Variants in RORA observed in about 807,000 individuals in gnomAD.
The protein encoded by RORA is nuclear receptor ROR-alpha.
RORA carries 7 observed loss-of-function variants against 69.5 expected under a neutral mutation model. The observed-to-expected ratio is 0.10, with a 90% confidence interval of 0.06 to 0.19. The LOEUF (loss-of-function observed/expected upper bound fraction) is 0.19, where lower values mean the gene tolerates loss of function less well. Among genes scored for constraint, RORA ranks in the 10% least tolerant of loss-of-function variants. The probability of loss-of-function intolerance (pLI) is 1.00; values close to 1 mark genes in which losing one functional copy is unlikely to be tolerated. For missense variants in RORA, 457 were observed against 663.0 expected, an observed-to-expected ratio of 0.69 and a Z score of 3.41; for synonymous variants, 261 against 240.8, an observed-to-expected ratio of 1.08 and a Z score of -0.78.
chr15:60,619,573 TA>T (rs1175927861), intron 2 of RORA, among the ~76,000 whole-genome samples: 6 of 152,340 alleles, frequency 3.9e-5, no homozygotes, highest in African/African-American at 1.4e-4. Flanking sequence ...AGTAATCCTG[TA>T]ACACTAAACA....
intron 1 of RORA, among the ~76,000 whole-genome samples, chr15:60,812,868 T>C (rs1391295627): frequency 6.6e-6 from 1 of 152,136 alleles, no homozygotes; most frequent in Non-Finnish European, 1.5e-5. Flanking sequence ...GTGAACATCA[T>C]CCAGAAGGGG....
chr15:60,889,842 T>C (rs958067606), intron 1 of RORA, among the ~76,000 whole-genome samples: 21 of 152,180 alleles, frequency 1.4e-4, no homozygotes, highest in African/African-American at 5.1e-4. Context: ...GAAACCAATA[T>C]ACACTACTAC....
intron 2 of RORA, among the ~76,000 whole-genome samples, chr15:60,576,700 C>T (rs8035386): frequency 0.021 from 3,167 of 152,302 alleles, 132 homozygotes; most frequent in African/African-American, 0.073. Flanking sequence ...GAACTCTTCC[C>T]CCTTGGAGAA....
At chr15:60,733,836 C>A (rs536211255) in intron 1 of RORA, among the ~76,000 whole-genome samples, 1 of 150,462 alleles carries the variant, frequency 6.6e-6, no homozygotes, top group Non-Finnish European at 1.5e-5. Flanking sequence ...ATCAGTTGTT[C>A]CCAGTGGATG....
In RORA at chr15:61,075,651, C is replaced by T. The variant is rs143986175; in HGVS notation, c.166+153402G>A. Among the ~76,000 whole-genome samples the T allele has an allele frequency of 5.9e-5, 9 of 152,282 alleles. No individual in the cohort carries two copies. The East Asian group carries it at 1.7e-3, about 29-fold the overall frequency. ...TATCTCAGTTTTTGAGATGAGAAAACTCAGGTCCATCTGAGTCTAATGAGG... is the reference window on the plus strand; with the variant it reads ...TATCTCAGTTTTTGAGATGAGAAAATTCAGGTCCATCTGAGTCTAATGAGG... On this transcript the variant is annotated intron_variant, in intron 1 of 10. Coordinates refer to ENST00000335670, the MANE Select transcript of RORA (RefSeq NM_134261.3).
Position 60,491,000 on chromosome 15 carries a change from C to T in RORA, c.*6455G>A, listed in dbSNP as rs926586219. ...AAGGAGCAGGCAGACAATACAGGTA[C>T]ATTTATAGAAGCAGCCAGCTAATGT... On this transcript the variant is annotated 3_prime_UTR_variant, in exon 11 of 11. Coordinates refer to ENST00000335670, the MANE Select transcript of RORA (RefSeq NM_134261.3). The surrounding 1 kb of genome is among the most constrained non-coding windows in gnomAD (Gnocchi z 4.1). 2 of 152,126 alleles carry T rather than the reference C, an allele frequency of 1.3e-5. No individual in the cohort carries two copies. The highest frequency in any genetic ancestry group is 2.4e-5 in the African/African-American group (1 of 41,436). The allele number at this position is 152,126 out of a possible 1,614,324, so 9.4% of individuals were successfully genotyped here.
chr15:60,501,197 G>A, intron 8 of RORA, 128 bp from the exon 9 acceptor site: 1 of 623,816 alleles, frequency 1.6e-6, no homozygotes. Flanking sequence ...CATGGGGAAG[G>A]TGAAGAGAGA....
At chr15:60,712,056 G>A (rs960890355) in intron 1 of RORA, among the ~76,000 whole-genome samples, 4 of 152,126 alleles carry the variant, frequency 2.6e-5, no homozygotes, top group African/African-American at 4.8e-5. Flanking sequence ...CAGTGACAGT[G>A]TATTTTTCTT....
intron 1 of RORA, among the ~76,000 whole-genome samples, chr15:60,797,007 A>C (rs1454611957): frequency 6.7e-6 from 1 of 148,274 alleles, no homozygotes; most frequent in African/African-American, 2.5e-5. Flanking sequence ...TTATGTCTAA[A>C]TATATTTTAT....
At chr15:60,853,133 C>A (rs1001234489) in intron 1 of RORA, among the ~76,000 whole-genome samples, 3 of 152,122 alleles carry the variant, frequency 2.0e-5, no homozygotes. Context: ...CAGATCCACA[C>A]GGTACACGCT....
At chr15:60,998,311 G>C (rs1293289317) in intron 1 of RORA, among the ~76,000 whole-genome samples, 1 of 151,770 alleles carries the variant, frequency 6.6e-6, no homozygotes, top group Admixed American at 6.6e-5. Flanking sequence ...CTACAGGCAT[G>C]TAATACCACA....
At chr15:60,978,178 C>A (rs758643402) in intron 1 of RORA, among the ~76,000 whole-genome samples, 1 of 152,074 alleles carries the variant, frequency 6.6e-6, no homozygotes, top group Non-Finnish European at 1.5e-5. Context: ...TCATCATCAT[C>A]ACAATCATCA....
chr15:61,152,956 G>T (rs2079410378), intron 1 of RORA, among the ~76,000 whole-genome samples: 2 of 152,210 alleles, frequency 1.3e-5, no homozygotes, highest in African/African-American at 4.8e-5. Flanking sequence ...ATTGTGGACA[G>T]AGGGGTGATC....
At chr15:60,695,629 C>T (rs919941008) in intron 1 of RORA, among the ~76,000 whole-genome samples, 23 of 152,120 alleles carry the variant, frequency 1.5e-4, no homozygotes, top group African/African-American at 5.6e-4. Flanking sequence ...CAAGTCATCA[C>T]CCTGATGCCA....
intron 1 of RORA, among the ~76,000 whole-genome samples, chr15:60,869,490 C>T (rs775092387): frequency 6.6e-6 from 1 of 152,148 alleles, no homozygotes; most frequent in Non-Finnish European, 1.5e-5. Flanking sequence ...TCAGCCAACA[C>T]TTTGGTTAGA....
intron 1 of RORA, among the ~76,000 whole-genome samples, chr15:61,037,496 A>C: frequency 6.6e-6 from 1 of 152,234 alleles, no homozygotes; most frequent in East Asian, 1.9e-4. Context: ...TCTTGGGCAC[A>C]GACGCAGCCA....
chr15:61,170,555 G>GT (rs1217888041), intron 1 of RORA, among the ~76,000 whole-genome samples: 1 of 152,172 alleles, frequency 6.6e-6, no homozygotes, highest in Non-Finnish European at 1.5e-5. Context: ...TCCATGCAAG[G>GT]TAACAGATTG....
At chr15:60,689,991 C>T (rs987812871) in intron 1 of RORA, among the ~76,000 whole-genome samples, 31 of 152,304 alleles carry the variant, frequency 2.0e-4, no homozygotes, top group African/African-American at 6.7e-4. Flanking sequence ...CCTGTGCCAA[C>T]GACAATTGGC....
chr15:61,214,028 G>C (rs971771599), intron 1 of RORA: 4 of 152,198 alleles, frequency 2.6e-5, no homozygotes, highest in African/African-American at 9.7e-5. Context: ...GTAAAAGGCA[G>C]AGAGATATGG....
Sources: allele counts gnomAD v4.1 joint callset (sites outside exome capture counted in the v4.1 genomes callset), GRCh38; gene constraint gnomAD v4.1.1; non-coding constraint Gnocchi (gnomAD v3.1); transcripts MANE v1.5; gene names NCBI Gene and HGNC (gene_info 2026-07-23, HGNC 2026-07-21).